The following HGSNAT variants were observed in gnomAD, a reference collection of about 807,000 sequenced individuals.
HGSNAT encodes transmembrane protein 76.
Under a neutral mutation model 85.2 loss-of-function variants are expected in HGSNAT, and 59 were observed. The ratio of observed to expected loss-of-function variants is 0.69; its 90% CI spans 0.56 to 0.86. The LOEUF (loss-of-function observed/expected upper bound fraction) is 0.86, where lower values mean the gene tolerates loss of function less well. Ranked by LOEUF, HGSNAT falls within the 40% of genes least tolerant of loss-of-function variation. HGSNAT has a pLI of 0.00. For missense variants in HGSNAT, 756 were observed against 777.1 expected (o/e 0.97, Z 0.32); for synonymous variants, 321 against 304.5 (o/e 1.05, Z -0.56).
At chr8:43,189,270 G>C (rs966303128) in intron 11 of HGSNAT, among the ~76,000 whole-genome samples, 1 of 152,166 alleles carries the variant, frequency 6.6e-6, no homozygotes, top group Non-Finnish European at 1.5e-5. Context: ...CTTGAGCTGC[G>C]GTGGGCTCCA....
At position 43,191,468 on chromosome 8, in the gene HGSNAT, A is replaced by G. The variant is rs777965568; in HGVS notation, c.1129-6A>G. The G allele has an allele frequency of 3.7e-6, 6 of 1,611,924 alleles. No homozygotes were observed. The African/African-American group carries it at 8.0e-5, about 22-fold the overall frequency. The stretch of plus-strand genomic sequence containing the variant: ...ACCCGTGTTTTATTTTTCTGCCCCC[A>G]CTCAGGAGAGGAGCTGCCTTTCTCT... On this transcript the variant is annotated splice_polypyrimidine_tract_variant and splice_region_variant and intron_variant, in intron 11 of 17. Transcript: ENST00000379644.
chr8:43,181,126 AGG>A (rs1491089730), intron 10 of HGSNAT, among the ~76,000 whole-genome samples: 1 of 236 alleles, frequency 4.2e-3, no homozygotes, highest in African/African-American at 0.022. Flanking sequence ...GGAGAGGGAG[AGG>A]GAGAGGGAGA....
rs373822575 is a variant in HGSNAT, at chr8:43,201,541, G to C, written c.*1972G>C. ...TTCCTATCTACATTTGATCTGTCAT[G>C]TTTAAACCCCCTACTTCTAAGGGAA... On this transcript the variant is annotated 3_prime_UTR_variant, in exon 18 of 18. Coordinates refer to ENST00000379644, the MANE Select transcript of HGSNAT (RefSeq NM_152419.3). This position sits in a 1 kb window ranked among gnomAD's most constrained non-coding sequence, Gnocchi z 4.4. 6.6e-6 allele frequency: 1 copy of C among 152,190 alleles called. No individual in the cohort carries two copies. Among genetic ancestry groups the C allele is most frequent in the East Asian group, 1.9e-4 (1 of 5,194 alleles). The allele number at this position is 152,190 out of a possible 1,614,324, so 9.4% of individuals were successfully genotyped here. A position where few individuals can be genotyped will look rare whatever the true frequency, so the allele number is the denominator to read the frequency against.
chr8:43,159,395 C>T (rs1803197527), intron 4 of HGSNAT, among the ~76,000 whole-genome samples: 1 of 152,078 alleles, frequency 6.6e-6, no homozygotes, highest in Non-Finnish European at 1.5e-5. Flanking sequence ...TGAGACGAGC[C>T]TGGGTGATGT....
intron 5 of HGSNAT, among the ~76,000 whole-genome samples, chr8:43,168,632 A>G (rs570171922): frequency 1.6e-4 from 25 of 151,554 alleles, no homozygotes; most frequent in Admixed American, 1.6e-3. Context: ...CCTGACCTCA[A>G]GTGATCCACC....
intron 1 of HGSNAT, among the ~76,000 whole-genome samples, chr8:43,143,600 C>T (rs912125398): frequency 2.0e-5 from 3 of 150,840 alleles, no homozygotes; most frequent in Non-Finnish European, 2.9e-5. Context: ...TGCAGTGGTG[C>T]GAACTCAGCT....
chr8:43,193,092 G>A (rs34006144), intron 13 of HGSNAT, among the ~76,000 whole-genome samples: 6,852 of 152,224 alleles, frequency 0.045, 202 homozygotes, highest in South Asian at 0.078. Flanking sequence ...GGTGCGGAAG[G>A]CCCCCTGCAG....
chr8:43,180,081 C>A (rs1242062119), intron 10 of HGSNAT, among the ~76,000 whole-genome samples: 1 of 104,588 alleles, frequency 9.6e-6, no homozygotes, highest in Non-Finnish European at 2.0e-5. Flanking sequence ...CCACCTCCCT[C>A]CCGGACGGGG....
At chr8:43,196,511 C>G in intron 14 of HGSNAT, 1 of 1,290,302 alleles carries the variant, frequency 7.8e-7, no homozygotes, top group Non-Finnish European at 1.0e-6. Context: ...TGGGCCCTGC[C>G]TGGAAGTAAG....
rs1280407859 is a variant in HGSNAT at position 43,197,004 on chromosome 8, C to T, written c.1521C>T (p.Phe507=). 6.2e-7 allele frequency: 1 copy of T among 1,610,896 alleles called. No homozygotes were observed. The highest frequency in any genetic ancestry group is 8.5e-7 in the Non-Finnish European group (1 of 1,177,248). ...GGACCAAAGACATCCTGATTCGATTCACTGCTTGGTGTTGTATTCTTGTAA... is the reference window on the plus strand; with the variant it reads ...GGACCAAAGACATCCTGATTCGATTTACTGCTTGGTGTTGTATTCTTGTAA... ...KARTKDILIR[F]TAWCCILGLI... is the part of the protein sequence containing the mutation. Residue 507 remains phenylalanine (F), a synonymous_variant, in exon 15 of 18, where the codon TTC becomes TTT. Transcript: ENST00000379644.
chr8:43,198,017 G>A (rs901314854), intron 17 of HGSNAT, 65 bp downstream of exon 17: 5 of 1,174,988 alleles, frequency 4.3e-6, no homozygotes, highest in Non-Finnish European at 6.2e-6. Context: ...AGGGACCTCT[G>A]GAGCATCCTT....
chr8:43,170,627 G>A lies in HGSNAT; in HGVS notation c.676G>A (p.Val226Ile). ...PSRTDPLDGD[V>I]QPATWRLSAL... ...CAGGACAGACCCTCTCGATGGTGAT[G>A]TTCAGCCAGCAACGTGGCGTCTATC... The change falls in exon 7 of 18, where the codon GTT becomes ATT. Residue 226 changes from valine (V) to isoleucine (I), a missense_variant. Transcript: ENST00000379644. 1 of 1,610,338 alleles carries A rather than the reference G, an allele frequency of 6.2e-7. No homozygotes were observed. The highest frequency in any genetic ancestry group is 8.5e-7 in the Non-Finnish European group (1 of 1,178,420).
chr8:43,192,495 A>G (rs978393288), intron 13 of HGSNAT, 65 bp downstream of exon 13: 5 of 1,516,512 alleles, frequency 3.3e-6, no homozygotes, highest in Middle Eastern at 1.8e-4. Flanking sequence ...GAAAGTAGAA[A>G]GAGCCAGCAA....
chr8:43,193,712 T>A (rs1421443357), intron 13 of HGSNAT, 45 bp from the exon 14 acceptor site: 4 of 1,310,946 alleles, frequency 3.1e-6, no homozygotes, highest in Non-Finnish European at 4.4e-6. Context: ...TGTACGTGTT[T>A]TCAGATCAGT....
chr8:43,199,480 G>A lies in HGSNAT; in HGVS notation c.1819G>A (p.Glu607Lys), dbSNP rs747708334. 3 of 1,612,736 alleles carry A rather than the reference G, an allele frequency of 1.9e-6. No individual in the cohort carries two copies. Among genetic ancestry groups the A allele is most frequent in the Admixed American group, 1.7e-5 (1 of 59,910 alleles). Residue 607 changes from glutamate to lysine, a missense_variant, in exon 18 of 18, where the codon GAG (glutamate) becomes AAG (lysine). Physicochemically the swap from Glu to Lys is moderately conservative, Grantham distance 56. Transcript: ENST00000379644. Reference sequence around the variant, plus strand: ...GCTGAAGGACAACCAGTCCCACAAGGAGCACCTGACTCAGAACATCGTCGC... The same window carrying A: ...GCTGAAGGACAACCAGTCCCACAAGAAGCACCTGACTCAGAACATCGTCGC... ...WKLKDNQSHK[E>K]HLTQNIVATA...
rs1393182656 is a variant in HGSNAT at position 43,159,023 on chromosome 8, G to T, written c.472G>T (p.Asp158Tyr). 6.2e-7 allele frequency: 1 copy of T among 1,613,606 alleles called. No homozygotes were observed. The highest frequency in any genetic ancestry group is 8.5e-7 in the Non-Finnish European group (1 of 1,179,770). Residue 158 changes from aspartate to tyrosine, a missense_variant, in exon 4 of 18, where the codon GAT becomes TAT. Transcript: ENST00000379644. Reference sequence around the variant, plus strand: ...TGCCTGTGACCTGGCTGTGAACGAGGATCCAGTTGATAGTAACCTTCGTAC... The same window carrying T: ...TGCCTGTGACCTGGCTGTGAACGAGTATCCAGTTGATAGTAACCTTCGTAC... ...EIACDLAVNE[D>Y]PVDSNLPVSI...
At chr8:43,166,797 A>G (rs1803450609) in intron 5 of HGSNAT, among the ~76,000 whole-genome samples, 1 of 152,224 alleles carries the variant, frequency 6.6e-6, no homozygotes, top group African/African-American at 2.4e-5. Flanking sequence ...GCTGCCATAC[A>G]TAGACAGTGA....
rs1213846101 is a variant in HGSNAT, at chr8:43,202,297, C to T, written c.*2728C>T. 1 of 152,544 alleles carries T rather than the reference C, an allele frequency of 6.6e-6. No individual in the cohort carries two copies. The highest frequency in any genetic ancestry group is 2.4e-5 in the African/African-American group (1 of 41,474). The allele number at this position is 152,544 out of a possible 1,614,324, so 9.4% of individuals were successfully genotyped here. A position where few individuals can be genotyped will look rare whatever the true frequency, so the allele number is the denominator to read the frequency against. On this transcript the variant is annotated 3_prime_UTR_variant, in exon 18 of 18. Coordinates refer to ENST00000379644, the MANE Select transcript of HGSNAT (RefSeq NM_152419.3). ...TGCTTCCCAGAAGCCTCTCAGCAGCCTCCCCTCCTGTCCTATCAGCTAGAA... is the reference window on the plus strand; with the variant it reads ...TGCTTCCCAGAAGCCTCTCAGCAGCTTCCCCTCCTGTCCTATCAGCTAGAA...
chr8:43,151,856 C>T (rs1802931962), intron 2 of HGSNAT, among the ~76,000 whole-genome samples: 1 of 152,150 alleles, frequency 6.6e-6, no homozygotes, highest in Non-Finnish European at 1.5e-5. Context: ...GAGATTCTAT[C>T]CAGGAGAGAG....
Sources: allele counts gnomAD v4.1 joint callset (sites outside exome capture counted in the v4.1 genomes callset), GRCh38; gene constraint gnomAD v4.1.1; non-coding constraint Gnocchi (gnomAD v3.1); transcripts MANE v1.5; gene names NCBI Gene and HGNC (gene_info 2026-07-23, HGNC 2026-07-21).